Variants in VDAC2 observed in about 807,000 individuals in gnomAD.
VDAC2 encodes the protein non-selective voltage-gated ion channel VDAC2.
VDAC2 carries 6 observed loss-of-function variants against 36.6 expected under a neutral mutation model. That is an observed-to-expected ratio of 0.16 (90% CI 0.09 to 0.32). The LOEUF is 0.32. Ranked by LOEUF, VDAC2 falls within the 10% of genes least tolerant of loss-of-function variation. VDAC2 has a pLI of 1.00. For missense variants in VDAC2, 247 were observed against 346.0 expected, an observed-to-expected ratio of 0.71 and a Z score of 2.27; for synonymous variants, 109 against 123.8, an observed-to-expected ratio of 0.88 and a Z score of 0.79.
chr10:75,221,904 C>T (rs1764853388), intron 7 of VDAC2, among the ~76,000 whole-genome samples: 1 of 152,176 alleles, frequency 6.6e-6, no homozygotes, highest in African/African-American at 2.4e-5. Context: ...TACAATCATG[C>T]CAGCTAGGTA....
chr10:75,218,927 A>G, intron 4 of VDAC2, 136 bp from the exon 5 acceptor site: 1 of 838,996 alleles, frequency 1.2e-6, no homozygotes, highest in Non-Finnish European at 1.8e-6. Context: ...GAAGGATACG[A>G]GTGTTTAGGA....
intron 4 of VDAC2, 118 bp from the exon 5 acceptor site, chr10:75,218,945 A>AT (rs2132264387): frequency 9.8e-7 from 1 of 1,025,366 alleles, no homozygotes; most frequent in South Asian, 1.8e-5. Context: ...GGAAGCTAGA[A>AT]AAAGGATTCA....
At chr10:75,211,916 A>G (rs2132249731) in intron 2 of VDAC2, among the ~76,000 whole-genome samples, 1 of 152,362 alleles carries the variant, frequency 6.6e-6, no homozygotes, top group East Asian at 1.9e-4. Flanking sequence ...AAATATCCAT[A>G]CACACAAATA....
chr10:75,228,262 G>GT (rs1217281125), intron 8 of VDAC2, among the ~76,000 whole-genome samples: 4 of 145,514 alleles, frequency 2.7e-5, no homozygotes, highest in African/African-American at 1.0e-4. Context: ...CATTAGTGAG[G>GT]TATTTTTCTT....
chr10:75,213,873 C>T, intron 3 of VDAC2, 148 bp from the exon 4 acceptor site: 1 of 710,220 alleles, frequency 1.4e-6, no homozygotes, highest in Non-Finnish European at 2.3e-6. Context: ...GAATTTGTAA[C>T]AATTTCATTT....
intron 7 of VDAC2, among the ~76,000 whole-genome samples, chr10:75,221,241 A>C (rs1841804449): frequency 6.6e-6 from 1 of 152,222 alleles, no homozygotes; most frequent in Non-Finnish European, 1.5e-5. Context: ...GCAGACTGCT[A>C]CCAGTACATT....
intron 7 of VDAC2, 39 bp from the exon 8 acceptor site, chr10:75,222,213 T>TC (rs762392343): frequency 6.4e-7 from 1 of 1,561,720 alleles, no homozygotes; most frequent in Admixed American, 1.8e-5. Context: ...CATTATTACA[T>TC]TGTCTATTCT....
chr10:75,230,860 T>TCACGG lies in VDAC2; in HGVS notation c.794-37_794-33dup, dbSNP rs541129214. On this transcript the variant is annotated intron_variant, in intron 9 of 9. Coordinates refer to ENST00000332211, the MANE Select transcript of VDAC2 (RefSeq NM_001391963.1). ...CAGACTGAGTGACGTGCCAGGTACA[T>TCACGG]CACGGTTTTTTGTTTTTGTGTTTTT... 1.2e-4 allele frequency: 188 copies of TCACGG among 1,579,720 alleles called. No individual in the cohort carries two copies. The African/African-American group carries it at 2.3e-3, about 20-fold the overall frequency.
chr10:75,226,451 G>GTTTTTT lies in VDAC2; in HGVS notation c.736-3175_736-3170dup, dbSNP rs147954706. 2.5e-4 allele frequency among the ~76,000 whole-genome samples: 25 copies of GTTTTTT among 100,896 alleles called. 1 individual carries two copies. The highest frequency in any genetic ancestry group is 9.9e-4 in the African/African-American group (25 of 25,264). 66.2% of individuals were successfully genotyped at this position (100,896 alleles called of 152,430 possible). A position where few individuals can be genotyped will look rare whatever the true frequency, so the allele number is the denominator to read the frequency against. On this transcript the variant is annotated intron_variant, in intron 8 of 9. Coordinates refer to ENST00000332211, the MANE Select transcript of VDAC2 (RefSeq NM_001391963.1). ...AAAAGTGAAAGACAGTCTTTTGTGG[G>GTTTTTT]TTTTTTTTTTTTTTTTTTTTTTTAA...
At chr10:75,226,761 G>T (rs751696212) in intron 8 of VDAC2, among the ~76,000 whole-genome samples, 1 of 152,108 alleles carries the variant, frequency 6.6e-6, no homozygotes, top group Non-Finnish European at 1.5e-5. Flanking sequence ...TGCGCCCTGG[G>T]CTATGTTGTT....
At chr10:75,225,312 A>G (rs1841924242) in intron 8 of VDAC2, among the ~76,000 whole-genome samples, 1 of 152,214 alleles carries the variant, frequency 6.6e-6, no homozygotes, top group Non-Finnish European at 1.5e-5. Context: ...TAAGGCACAA[A>G]ATACAATTTT....
At chr10:75,218,591 A>G (rs528221810) in intron 4 of VDAC2, among the ~76,000 whole-genome samples, 60 of 152,248 alleles carry the variant, frequency 3.9e-4, no homozygotes, top group African/African-American at 1.4e-3. Flanking sequence ...GTGAAACTCC[A>G]TCTGTACTAA....
chr10:75,211,119 T>C lies in VDAC2; in HGVS notation c.-25-15T>C. 1.0e-5 allele frequency: 16 copies of C among 1,603,128 alleles called. No homozygotes were observed. Among genetic ancestry groups the C allele is most frequent in the Non-Finnish European group, 1.4e-5 (16 of 1,174,730 alleles). On this transcript the variant is annotated splice_polypyrimidine_tract_variant and intron_variant, in intron 1 of 9. Transcript: ENST00000332211. ...CTTTGACCCCAGCTTACCGCACTTC[T>C]TGTCCCTCCCGCAGATTCCCCTCTT...
intron 9 of VDAC2, 41 bp from the exon 10 acceptor site, chr10:75,230,857 A>G (rs1445963445): frequency 6.4e-7 from 1 of 1,555,476 alleles, no homozygotes; most frequent in East Asian, 2.3e-5. Context: ...CGTGCCAGGT[A>G]CATCACGGTT....
rs1195980335 is a variant in VDAC2, at chr10:75,211,470, C to T, written c.31+281C>T. On this transcript the variant is annotated intron_variant, in intron 2 of 9. Coordinates refer to ENST00000332211, the MANE Select transcript of VDAC2 (RefSeq NM_001391963.1). Reference sequence around the variant, plus strand: ...AGTAAAAAGTTGTTAATTGGGGATTCTGCCTTTGGAGGATCGGATCAATCA... The same window carrying T: ...AGTAAAAAGTTGTTAATTGGGGATTTTGCCTTTGGAGGATCGGATCAATCA... The T allele has an allele frequency of 4.0e-6, 6 of 1,508,578 alleles. No individual in the cohort carries two copies. The Admixed American group carries it at 6.9e-5, about 17-fold the overall frequency. 93.4% of individuals were successfully genotyped at this position (1,508,578 alleles called of 1,614,324 possible). A position where few individuals can be genotyped will look rare whatever the true frequency, so the allele number is the denominator to read the frequency against.
intron 4 of VDAC2, chr10:75,218,089 A>G: frequency 8.6e-6 from 1 of 116,344 alleles, no homozygotes; most frequent in Non-Finnish European, 1.7e-5. Context: ...ATGCTGTCTC[A>G]AAAAAAAAAA....
chr10:75,220,617 CCT>C (rs1841783781), intron 6 of VDAC2, 124 bp from the exon 7 acceptor site: 2 of 753,878 alleles, frequency 2.7e-6, no homozygotes, highest in African/African-American at 1.8e-5. Flanking sequence ...TTTTTTACTC[CCT>C]GTTATTGTAT....
At chr10:75,222,096 GA>G (rs947543623) in intron 7 of VDAC2, among the ~76,000 whole-genome samples, 155 bp from the exon 8 acceptor site, 2 of 152,276 alleles carry the variant, frequency 1.3e-5, no homozygotes, top group South Asian at 2.1e-4. Context: ...ATGGGTTGGG[GA>G]AAAAAACCTG....
chr10:75,219,967 A>G (rs1841759027), intron 6 of VDAC2, among the ~76,000 whole-genome samples: 1 of 150,382 alleles, frequency 6.6e-6, no homozygotes, highest in African/African-American at 2.5e-5. Context: ...AGCTGGGATC[A>G]CAGGCATGTG....
Sources: allele counts gnomAD v4.1 joint callset (sites outside exome capture counted in the v4.1 genomes callset), GRCh38; gene constraint gnomAD v4.1.1; transcripts MANE v1.5; gene names NCBI Gene and HGNC (gene_info 2026-07-23, HGNC 2026-07-21).